The following ASIC2 variants were observed in gnomAD, a reference collection of about 807,000 sequenced individuals.
ASIC2 encodes the protein acid-sensing ion channel 2.
ASIC2 carries 25 observed loss-of-function variants against 57.3 expected under a neutral mutation model. The ratio of observed to expected loss-of-function variants is 0.44; its 90% CI spans 0.32 to 0.61. The LOEUF (loss-of-function observed/expected upper bound fraction) is 0.61. ASIC2 is among the 20% of genes least tolerant of loss of function. The pLI is 0.06. For synonymous variants in ASIC2, 319 were observed against 307.5 expected (o/e 1.04, Z -0.39); for missense variants, 641 against 738.1 (o/e 0.87, Z 1.52).
intron 1 of ASIC2, among the ~76,000 whole-genome samples, chr17:33,544,265 C>T (rs553846154): frequency 1.3e-5 from 2 of 152,166 alleles, no homozygotes; most frequent in South Asian, 4.2e-4. Flanking sequence ...TAAGGTATAC[C>T]CCACTTTGTT....
chr17:33,728,424 C>G (rs1208448512), intron 1 of ASIC2, among the ~76,000 whole-genome samples: 1 of 152,132 alleles, frequency 6.6e-6, no homozygotes, highest in Non-Finnish European at 1.5e-5. Flanking sequence ...CTTGTTTTAA[C>G]AGGGCAAAGA....
At chr17:33,362,297 C>T (rs570896518) in intron 1 of ASIC2, among the ~76,000 whole-genome samples, 1 of 149,552 alleles carries the variant, frequency 6.7e-6, no homozygotes, top group East Asian at 1.9e-4. Flanking sequence ...TGCCTTGAAG[C>T]CTACCTGTAA....
chr17:33,562,494 C>T (rs552166784), intron 1 of ASIC2, among the ~76,000 whole-genome samples: 389 of 152,296 alleles, frequency 2.6e-3, no homozygotes, highest in Non-Finnish European at 3.5e-3. Context: ...CTGTCTAGGA[C>T]CGATGGATGT....
intron 1 of ASIC2, among the ~76,000 whole-genome samples, chr17:33,868,297 A>T (rs148576813): frequency 6.6e-6 from 1 of 152,246 alleles, no homozygotes; most frequent in African/African-American, 2.4e-5. Context: ...CCACTGTGGG[A>T]TGAAAACAGC....
At chr17:34,143,998 T>C (rs11656508) in intron 1 of ASIC2, among the ~76,000 whole-genome samples, 52,086 of 152,064 alleles carry the variant, frequency 0.34, 9,482 homozygotes, top group Middle Eastern at 0.45. Context: ...TTCAGAGTTA[T>C]TGTGAGGATC....
At chr17:33,300,876 T>C (rs1665317254) in intron 1 of ASIC2, among the ~76,000 whole-genome samples, 2 of 152,192 alleles carry the variant, frequency 1.3e-5, no homozygotes, top group African/African-American at 4.8e-5. Flanking sequence ...TTTAGTGACT[T>C]GTCCCTGGTC....
At chr17:33,733,756 G>A (rs994892110) in intron 1 of ASIC2, among the ~76,000 whole-genome samples, 1 of 152,084 alleles carries the variant, frequency 6.6e-6, no homozygotes, top group Non-Finnish European at 1.5e-5. Flanking sequence ...AAGCTTCTGT[G>A]GACCATCACA....
intron 1 of ASIC2, among the ~76,000 whole-genome samples, chr17:33,657,943 C>G (rs1907128353): frequency 1.3e-5 from 2 of 152,046 alleles, no homozygotes; most frequent in Admixed American, 1.3e-4. Context: ...TGTCTTCTTC[C>G]AACAACTCCT....
intron 1 of ASIC2, among the ~76,000 whole-genome samples, chr17:33,270,193 C>T (rs1397991382): frequency 6.6e-6 from 1 of 152,142 alleles, no homozygotes; most frequent in Non-Finnish European, 1.5e-5. Context: ...CCTAGTAAAC[C>T]CCCAGGTTGG....
intron 1 of ASIC2, among the ~76,000 whole-genome samples, chr17:33,168,827 A>C (rs1905400700): frequency 6.6e-6 from 1 of 152,248 alleles, no homozygotes; most frequent in Non-Finnish European, 1.5e-5. Flanking sequence ...AAAAACTCTC[A>C]GTCTGGTCAT....
chr17:33,207,454 C>T (rs574081761), intron 1 of ASIC2, among the ~76,000 whole-genome samples: 1 of 152,256 alleles, frequency 6.6e-6, no homozygotes, highest in South Asian at 2.1e-4. Context: ...AACATCCCTG[C>T]GTGGTAGGCC....
intron 1 of ASIC2, among the ~76,000 whole-genome samples, chr17:33,829,679 C>T (rs1053448261): frequency 6.6e-6 from 1 of 151,494 alleles, no homozygotes. Flanking sequence ...CAGCTTCAAG[C>T]GATTCTCCTG....
At chr17:33,113,098 T>A (rs913655870) in intron 1 of ASIC2, among the ~76,000 whole-genome samples, 1 of 152,106 alleles carries the variant, frequency 6.6e-6, no homozygotes, top group African/African-American at 2.4e-5. Context: ...TTTTGCTTGA[T>A]GAAAGTATGA....
chr17:33,454,863 A>T (rs1011690872), intron 1 of ASIC2, among the ~76,000 whole-genome samples: 1 of 152,168 alleles, frequency 6.6e-6, no homozygotes, highest in South Asian at 2.1e-4. Context: ...ACTCCCTGCA[A>T]CCTCTTTTCT....
At chr17:33,971,227 T>G (rs1054891725) in intron 1 of ASIC2, among the ~76,000 whole-genome samples, 1 of 151,984 alleles carries the variant, frequency 6.6e-6, no homozygotes, top group African/African-American at 2.4e-5. Flanking sequence ...GCACACCAGC[T>G]CTCCTGCCTT....
intron 1 of ASIC2, among the ~76,000 whole-genome samples, chr17:33,813,529 T>C (rs756500910): frequency 6.6e-6 from 1 of 152,184 alleles, no homozygotes; most frequent in Non-Finnish European, 1.5e-5. Context: ...CTCCACCTCC[T>C]GGGTTCACGC....
intron 1 of ASIC2, among the ~76,000 whole-genome samples, chr17:33,161,072 ATTAGAGAAG>A (rs1477773358): frequency 6.6e-6 from 1 of 152,204 alleles, no homozygotes; most frequent in Non-Finnish European, 1.5e-5. Flanking sequence ...TACAATCACC[ATTAGAGAAG>A]TAGCAGCATC....
At chr17:33,470,375 T>G (rs924973482) in intron 1 of ASIC2, among the ~76,000 whole-genome samples, 2 of 152,202 alleles carry the variant, frequency 1.3e-5, no homozygotes, top group Non-Finnish European at 2.9e-5. Context: ...CATGCTTGCA[T>G]AGTGATAAAG....
At chr17:33,716,307 C>G (rs1373354319) in intron 1 of ASIC2, among the ~76,000 whole-genome samples, 1 of 152,180 alleles carries the variant, frequency 6.6e-6, no homozygotes, top group South Asian at 2.1e-4. Flanking sequence ...GATAAAGACT[C>G]AAATCTTCAG....
Sources: gnomAD v4.1 joint callset for allele counts (sites outside exome capture counted in the v4.1 genomes callset) on GRCh38, gnomAD v4.1.1 for gene constraint, MANE v1.5 for transcripts, NCBI Gene and HGNC (gene_info 2026-07-23, HGNC 2026-07-21) for gene names.